Variants in TBC1D5 observed in about 807,000 individuals in gnomAD.
TBC1D5 encodes the protein TBC1 domain family member 5, also known as TBC1 domain family, member 5.
Under a neutral mutation model 100.3 loss-of-function variants are expected in TBC1D5, and 75 were observed. The ratio of observed to expected loss-of-function variants is 0.75; its 90% confidence interval spans 0.62 to 0.91. TBC1D5 has a LOEUF of 0.91. Among genes scored for constraint, TBC1D5 ranks in the 40% least tolerant of loss-of-function variants. TBC1D5 has a pLI of 0.00. For missense variants in TBC1D5, 910 were observed against 942.4 expected (o/e 0.97, Z 0.45); for synonymous variants, 323 against 325.6 (o/e 0.99, Z 0.09).
At chr3:17,531,907 T>C (rs2096231764) in intron 2 of TBC1D5, among the ~76,000 whole-genome samples, 1 of 152,148 alleles carries the variant, frequency 6.6e-6, no homozygotes, top group Admixed American at 6.5e-5. Flanking sequence ...GGCATTACCA[T>C]TCAGGACATA....
chr3:17,598,448 A>G (rs577711127), intron 2 of TBC1D5, among the ~76,000 whole-genome samples: 1 of 152,328 alleles, frequency 6.6e-6, no homozygotes, highest in South Asian at 2.1e-4. Context: ...CTAAATTCTC[A>G]GTTCCAGACT....
intron 13 of TBC1D5, among the ~76,000 whole-genome samples, chr3:17,309,335 A>T (rs1483902882): frequency 6.6e-6 from 1 of 151,998 alleles, no homozygotes; most frequent in Non-Finnish European, 1.5e-5. Context: ...TCACATTCTC[A>T]TATTAATCAA....
chr3:17,589,644 T>G (rs772623611), intron 2 of TBC1D5, among the ~76,000 whole-genome samples: 9 of 152,186 alleles, frequency 5.9e-5, no homozygotes, highest in Non-Finnish European at 7.3e-5. Flanking sequence ...AATCGTCCAG[T>G]CTTGGGTATG....
chr3:17,701,305 A>G (rs1331738099), intron 1 of TBC1D5, among the ~76,000 whole-genome samples: 1 of 152,094 alleles, frequency 6.6e-6, no homozygotes, highest in Non-Finnish European at 1.5e-5. Context: ...GGCGGGGAAC[A>G]TCACACACTG....
At chr3:17,678,666 T>TAAAAAAAAAAAAAAAAAAAAAAAAGAAAA (rs150614567) in intron 1 of TBC1D5, among the ~76,000 whole-genome samples, 2 of 109,098 alleles carry the variant, frequency 1.8e-5, no homozygotes, top group Non-Finnish European at 3.6e-5. Flanking sequence ...AAAAGAGGGA[T>TAAAAAAAAAAAAAAAAAAAAAAAAGAAAA]AAAAAAAAAA....
At chr3:17,626,003 ATTCTTTC>A (rs2063021394) in intron 1 of TBC1D5, among the ~76,000 whole-genome samples, 2 of 152,132 alleles carry the variant, frequency 1.3e-5, no homozygotes, top group Non-Finnish European at 2.9e-5. Context: ...CCAATTAATC[ATTCTTTC>A]CATTATGTTG....
intron 17 of TBC1D5, among the ~76,000 whole-genome samples, chr3:17,226,641 G>C (rs1576114656): frequency 6.6e-6 from 1 of 152,256 alleles, no homozygotes; most frequent in Non-Finnish European, 1.5e-5. Flanking sequence ...GACAACTCTA[G>C]AGGACTACCC....
At chr3:17,642,301 G>A (rs1268344345) in intron 1 of TBC1D5, among the ~76,000 whole-genome samples, 1 of 151,996 alleles carries the variant, frequency 6.6e-6, no homozygotes, top group African/African-American at 2.4e-5. Context: ...TCTGCAGTTA[G>A]GCAACGTGCT....
intron 17 of TBC1D5, among the ~76,000 whole-genome samples, chr3:17,219,060 G>A (rs1257066551): frequency 1.3e-5 from 2 of 149,248 alleles, no homozygotes; most frequent in East Asian, 3.9e-4. Context: ...GCTTCATGGT[G>A]TTCTGCAGGT....
intron 16 of TBC1D5, among the ~76,000 whole-genome samples, chr3:17,248,321 T>C (rs1009738918): frequency 2.0e-5 from 3 of 152,242 alleles, no homozygotes; most frequent in African/African-American, 4.8e-5. Flanking sequence ...GAGTCATTGA[T>C]GAGTGTTGAA....
chr3:17,298,505 T>C (rs2082489627), intron 14 of TBC1D5, among the ~76,000 whole-genome samples: 1 of 152,004 alleles, frequency 6.6e-6, no homozygotes, highest in Non-Finnish European at 1.5e-5. Flanking sequence ...CGGCCAACAA[T>C]ATGTGGAAGC....
chr3:17,529,019 A>C (rs1450092043), intron 2 of TBC1D5, among the ~76,000 whole-genome samples: 2 of 152,138 alleles, frequency 1.3e-5, no homozygotes, highest in Non-Finnish European at 2.9e-5. Context: ...CTGGACAAGA[A>C]CTCCCAGAAT....
intron 13 of TBC1D5, among the ~76,000 whole-genome samples, chr3:17,309,447 G>A (rs1559603065): frequency 6.6e-6 from 1 of 151,734 alleles, no homozygotes; most frequent in Non-Finnish European, 1.5e-5. Flanking sequence ...AAATGTTACA[G>A]CATCTTTTAT....
intron 1 of TBC1D5, among the ~76,000 whole-genome samples, chr3:17,636,120 G>C (rs2063894314): frequency 6.6e-6 from 1 of 152,076 alleles, no homozygotes; most frequent in Non-Finnish European, 1.5e-5. Flanking sequence ...TGGGACCCGG[G>C]AGGCAGAGAT....
chr3:17,227,931 G>A (rs1011456728), intron 17 of TBC1D5, among the ~76,000 whole-genome samples: 5 of 150,798 alleles, frequency 3.3e-5, no homozygotes, highest in African/African-American at 1.2e-4. Context: ...TGATCATCCA[G>A]TCTTGGGGAG....
intron 1 of TBC1D5, among the ~76,000 whole-genome samples, chr3:17,694,438 TACGCA>T (rs1313546386): frequency 6.6e-6 from 1 of 152,178 alleles, no homozygotes; most frequent in Non-Finnish European, 1.5e-5. Flanking sequence ...GCATGAGAAC[TACGCA>T]ACGCATGCAC....
intron 13 of TBC1D5, among the ~76,000 whole-genome samples, chr3:17,325,541 C>G (rs936624440): frequency 6.6e-6 from 1 of 152,138 alleles, no homozygotes; most frequent in African/African-American, 2.4e-5. Context: ...CCAGGCTGGT[C>G]TTGAACTCCC....
chr3:17,297,878 C>G (rs571843077), intron 14 of TBC1D5, among the ~76,000 whole-genome samples: 1 of 152,152 alleles, frequency 6.6e-6, no homozygotes, highest in South Asian at 2.1e-4. Context: ...GCATGATGAG[C>G]CACTACACCT....
At chr3:17,638,753 A>G (rs2064211558) in intron 1 of TBC1D5, among the ~76,000 whole-genome samples, 1 of 152,182 alleles carries the variant, frequency 6.6e-6, no homozygotes, top group Non-Finnish European at 1.5e-5. Flanking sequence ...TGAACATTTC[A>G]TAGCAGTGAA....
Sources: allele counts gnomAD v4.1 joint callset (sites outside exome capture counted in the v4.1 genomes callset), GRCh38; gene constraint gnomAD v4.1.1; transcripts MANE v1.5; gene names NCBI Gene and HGNC (gene_info 2026-07-23, HGNC 2026-07-21).